The following MYCBP2 variants were observed in gnomAD, a reference collection of about 807,000 sequenced individuals.
MYCBP2 encodes MYC binding protein 2, also known as E3 ubiquitin-protein ligase MYCBP2.
Under a neutral mutation model 525.3 loss-of-function variants are expected in MYCBP2, and 120 were observed. The observed-to-expected ratio is 0.23, with a 90% CI of 0.20 to 0.27. The LOEUF (loss-of-function observed/expected upper bound fraction) is 0.27. MYCBP2 is among the 10% of genes least tolerant of loss of function. MYCBP2 has a pLI of 1.00. For synonymous variants in MYCBP2, 1,894 were observed against 1,955.8 expected (o/e 0.97, Z 0.83); for missense variants, 4,149 against 5,657.1 (o/e 0.73, Z 8.55).
intron 23 of MYCBP2, among the ~76,000 whole-genome samples, chr13:77,207,098 A>C (rs1218729169): frequency 6.6e-6 from 1 of 152,230 alleles, no homozygotes; most frequent in East Asian, 1.9e-4. Flanking sequence ...GTTTTGATAC[A>C]TACATATAAA....
At chr13:77,092,048 T>C (rs2045510293) in intron 59 of MYCBP2, among the ~76,000 whole-genome samples, 1 of 150,124 alleles carries the variant, frequency 6.7e-6, no homozygotes, top group Admixed American at 6.7e-5. Flanking sequence ...ATCCACACAG[T>C]TGGGGAGGGG....
chr13:77,246,448 AGAT>A (rs2069958845), intron 15 of MYCBP2, among the ~76,000 whole-genome samples: 1 of 152,014 alleles, frequency 6.6e-6, no homozygotes, highest in Non-Finnish European at 1.5e-5. Flanking sequence ...GTCAGACAAA[AGAT>A]GAAGAAAAAG....
intron 15 of MYCBP2, among the ~76,000 whole-genome samples, chr13:77,249,776 A>T (rs1351124956): frequency 6.6e-6 from 1 of 152,174 alleles, no homozygotes; most frequent in African/African-American, 2.4e-5. Flanking sequence ...AAATAATCAG[A>T]GTCTTTCTGC....
At chr13:77,233,313 C>G in intron 17 of MYCBP2, 50 bp from the exon 18 acceptor site, 1 of 1,335,516 alleles carries the variant, frequency 7.5e-7, no homozygotes, top group Non-Finnish European at 1.1e-6. Flanking sequence ...AAAATGAAAA[C>G]ACTATAATGA....
chr13:77,133,329 A>G (rs901533760), intron 52 of MYCBP2, among the ~76,000 whole-genome samples: 3 of 152,204 alleles, frequency 2.0e-5, no homozygotes, highest in African/African-American at 7.2e-5. Flanking sequence ...GAGCATATAT[A>G]TGTTAGAAAT....
chr13:77,192,292 A>C (rs1311021526), intron 27 of MYCBP2, among the ~76,000 whole-genome samples: 5 of 152,218 alleles, frequency 3.3e-5, no homozygotes, highest in Non-Finnish European at 7.3e-5. Flanking sequence ...TCCTCTCAGT[A>C]CCTTAGCTTC....
Position 77,164,482 on chromosome 13 carries a change from C to T in MYCBP2, c.6519G>A (p.Leu2173=), listed in dbSNP as rs774629720. The change falls in exon 43 of 83, where the codon CTG becomes CTA. Residue 2173 remains leucine (L), a synonymous_variant. Transcript: ENST00000544440. ...TAGGAAGTGCTAGGTCCTTCTTCAT[C>T]AGAGCTGCTGCACAAACCCCACCAA... ...ANLGGVCAAA[L]MKKDLALPIG... is the part of the protein sequence containing the mutation. 113 of 1,612,928 alleles carry T rather than the reference C, an allele frequency of 7.0e-5. No individual in the cohort carries two copies. Among genetic ancestry groups the T allele is most frequent in the Non-Finnish European group, 9.2e-5 (108 of 1,179,076 alleles).
intron 26 of MYCBP2, among the ~76,000 whole-genome samples, chr13:77,203,546 T>G (rs1018243313): frequency 1.3e-5 from 2 of 152,070 alleles, no homozygotes; most frequent in Admixed American, 6.6e-5. Context: ...AAAAAACTAC[T>G]TTAAAGTTCA....
Position 77,159,499 on chromosome 13 carries a change from T to A in MYCBP2, c.6598-1390A>T, listed in dbSNP as rs559435418. Among the ~76,000 whole-genome samples, 88 of 152,266 alleles carry A rather than the reference T, an allele frequency of 5.8e-4. No individual in the cohort carries two copies. In the Middle Eastern group the frequency reaches 0.02, roughly 35 times the overall value. On this transcript the variant is annotated intron_variant, in intron 44 of 82. Coordinates refer to ENST00000544440, the MANE Select transcript of MYCBP2 (RefSeq NM_015057.5). ...AAACCATATATGAACTCTGATATGG[T>A]TTGGCTCTGTGTCCCCACCCAAATC...
At chr13:77,186,457 C>G (rs1364167203) in intron 30 of MYCBP2, among the ~76,000 whole-genome samples, 1 of 151,982 alleles carries the variant, frequency 6.6e-6, no homozygotes, top group Non-Finnish European at 1.5e-5. Context: ...TTTACAGTCA[C>G]TGTAGTAAAA....
Position 77,224,443 on chromosome 13 carries a change from G to GC in MYCBP2, c.2939+7dup. 6.4e-7 allele frequency: 1 copy of GC among 1,571,440 alleles called. No homozygotes were observed. The highest frequency in any genetic ancestry group is 8.7e-7 in the Non-Finnish European group (1 of 1,149,050). ...CTCTGGATCTTCAAATGAAAAGTTA[G>GC]CAAGTACCTGGAGTTGACATCTCCA... On this transcript the variant is annotated splice_region_variant and intron_variant, in intron 20 of 82. Coordinates refer to ENST00000544440, the MANE Select transcript of MYCBP2 (RefSeq NM_015057.5).
intron 1 of MYCBP2, among the ~76,000 whole-genome samples, chr13:77,298,889 G>T (rs1273878287): frequency 1.3e-5 from 2 of 152,214 alleles, no homozygotes; most frequent in Non-Finnish European, 2.9e-5. Context: ...GTGAGGGCAT[G>T]ATGAATGTCT....
intron 52 of MYCBP2, among the ~76,000 whole-genome samples, chr13:77,137,804 G>A (rs1025120713): frequency 6.6e-6 from 1 of 152,070 alleles, no homozygotes; most frequent in Admixed American, 6.5e-5. Flanking sequence ...TGGCCAGGCT[G>A]GTCTCCTGAC....
chr13:77,156,057 C>T lies in MYCBP2; in HGVS notation c.6915+1G>A. On this transcript the variant is annotated splice_donor_variant, in intron 46 of 82. Transcript: ENST00000544440. LOFTEE classifies it high-confidence loss of function. ...TGCTAATTTAATCCAGTTATAATTA[C>T]CTTCATATTGGGAACATGTACCACA... The T allele has an allele frequency of 6.2e-7, 1 of 1,610,252 alleles. No homozygotes were observed. The highest frequency in any genetic ancestry group is 8.5e-7 in the Non-Finnish European group (1 of 1,177,954).
chr13:77,149,231 T>C (rs767536604), intron 47 of MYCBP2, among the ~76,000 whole-genome samples: 3 of 152,096 alleles, frequency 2.0e-5, no homozygotes, highest in Non-Finnish European at 2.9e-5. Flanking sequence ...ATGTGAATCG[T>C]TTTTCCTTTT....
In MYCBP2 at chr13:77,273,532, T is replaced by C; in HGVS notation, c.885A>G (p.Thr295=). 6.2e-7 allele frequency: 1 copy of C among 1,613,116 alleles called. No homozygotes were observed. ...TGAGGATAGCAGAGATGGCCTGAAG[T>C]GTCCTTCCTGTTTCTCCCCAAGAAG... ...LVASWGETGR[T]LQAISAILTN... is the part of the protein sequence containing the mutation. The change falls in exon 5 of 83, where the codon ACA becomes ACG. Residue 295 remains threonine, a synonymous_variant. Transcript: ENST00000544440.
At chr13:77,243,746 T>G in intron 16 of MYCBP2, 60 bp downstream of exon 16, 5 of 1,465,116 alleles carry the variant, frequency 3.4e-6, no homozygotes, top group Non-Finnish European at 4.6e-6. Flanking sequence ...TTGTTTAAAC[T>G]GTCAGACTTA....
rs1398967073 is a variant in MYCBP2, at chr13:77,058,154, T to C, written c.13329+64A>G. On this transcript the variant is annotated intron_variant, in intron 78 of 82. Coordinates refer to ENST00000544440, the MANE Select transcript of MYCBP2 (RefSeq NM_015057.5). The surrounding 1 kb of genome is among the most constrained non-coding windows in gnomAD (Gnocchi z 4.1). ...TGCGCCCGGCCTCAATCAATGTTTA[T>C]TTGACAAATATATTCCCCATCTTAA... 11 of 1,550,414 alleles carry C rather than the reference T, an allele frequency of 7.1e-6. No individual in the cohort carries two copies. The highest frequency in any genetic ancestry group is 6.9e-5 in the East Asian group (3 of 43,410).
At chr13:77,120,277 C>T (rs934796286) in intron 55 of MYCBP2, among the ~76,000 whole-genome samples, 7 of 151,964 alleles carry the variant, frequency 4.6e-5, no homozygotes, top group African/African-American at 1.7e-4. Context: ...ATCAGGTACC[C>T]GAAGTAAGCG....
Sources: gnomAD v4.1 joint callset for allele counts (sites outside exome capture counted in the v4.1 genomes callset) on GRCh38, gnomAD v4.1.1 for gene constraint, Gnocchi (gnomAD v3.1) non-coding constraint, MANE v1.5 for transcripts, NCBI Gene and HGNC (gene_info 2026-07-23, HGNC 2026-07-21) for gene names.